The following DCAF8L2 variants were observed in gnomAD, a reference collection of about 807,000 sequenced individuals.
DCAF8L2 encodes DDB1 and CUL4 associated factor 8 like 2, also known as DDB1- and CUL4-associated factor 8-like protein 2.
For missense variants in DCAF8L2, 430 were observed against 490.7 expected, an observed-to-expected ratio of 0.88 and a Z score of 1.17; for synonymous variants, 200 against 190.9, an observed-to-expected ratio of 1.05 and a Z score of -0.39.
the DCAF8L2 span, among the ~76,000 whole-genome samples, chrX:27,489,298 C>T: frequency 9.0e-6 from 1 of 111,193 alleles, no homozygotes; most frequent in African/African-American, 3.3e-5. Flanking sequence ...GGGGTTTCAC[C>T]GTGTTACCCA....
At chrX:27,600,949 T>C (rs1042521402) in intron 1 of DCAF8L2, among the ~76,000 whole-genome samples, 2 of 110,513 alleles carry the variant, frequency 1.8e-5, no homozygotes, top group Non-Finnish European at 3.8e-5. Flanking sequence ...TTTTTTTTTT[T>C]TTCTTTGAGA....
chrX:27,540,779 C>G, the DCAF8L2 span, among the ~76,000 whole-genome samples: 1 of 111,769 alleles, frequency 8.9e-6, no homozygotes, highest in Admixed American at 9.5e-5. Context: ...TACTAATTAC[C>G]TTGATTTGAT....
At chrX:27,719,041 T>G (rs1337879418) in intron 4 of DCAF8L2, among the ~76,000 whole-genome samples, 4 of 112,200 alleles carry the variant, frequency 3.6e-5, no homozygotes, top group Non-Finnish European at 7.5e-5. Flanking sequence ...AGTCTTTCTG[T>G]AGACCTATTT....
the DCAF8L2 span, among the ~76,000 whole-genome samples, chrX:27,524,561 C>G: frequency 9.6e-6 from 1 of 104,366 alleles, no homozygotes; most frequent in Non-Finnish European, 2.0e-5. Flanking sequence ...TTATTTCTTG[C>G]CTTCTGCTAG....
At chrX:27,608,685 T>C (rs1490809061) in intron 1 of DCAF8L2, among the ~76,000 whole-genome samples, 1 of 109,826 alleles carries the variant, frequency 9.1e-6, no homozygotes, top group Admixed American at 9.8e-5. Context: ...TTCAGTCTTA[T>C]TATCCTGAAC....
intron 1 of DCAF8L2, among the ~76,000 whole-genome samples, chrX:27,614,192 T>G (rs181520944): frequency 1.1e-3 from 119 of 110,996 alleles, no homozygotes; most frequent in African/African-American, 3.8e-3. Flanking sequence ...AGGGTGTATG[T>G]GTCCAGGAAT....
the DCAF8L2 span, among the ~76,000 whole-genome samples, chrX:27,560,091 C>A: frequency 2.7e-5 from 3 of 109,986 alleles, no homozygotes; most frequent in Admixed American, 9.7e-5. Flanking sequence ...CACGGTGAAA[C>A]CCCATCTCTA....
At chrX:27,532,963 G>A in the DCAF8L2 span, among the ~76,000 whole-genome samples, 1 of 103,161 alleles carries the variant, frequency 9.7e-6, no homozygotes, top group Non-Finnish European at 2.0e-5. Flanking sequence ...TGTAATTGCA[G>A]GTACTTGGGA....
intron 2 of DCAF8L2, among the ~76,000 whole-genome samples, chrX:27,676,429 T>C (rs1930141235): frequency 9.0e-6 from 1 of 111,584 alleles, no homozygotes; most frequent in Non-Finnish European, 1.9e-5. Context: ...TATGTATATA[T>C]GAATAAATGT....
the DCAF8L2 span, among the ~76,000 whole-genome samples, chrX:27,527,511 G>A: frequency 1.4e-4 from 15 of 110,987 alleles, no homozygotes; most frequent in South Asian, 1.2e-3. Context: ...GCTCACGCTC[G>A]GTGGGCTGCA....
intron 2 of DCAF8L2, among the ~76,000 whole-genome samples, chrX:27,656,302 CG>C (rs1473286333): frequency 1.8e-5 from 2 of 111,833 alleles, no homozygotes; most frequent in African/African-American, 6.5e-5. Flanking sequence ...CGAAAACAAA[CG>C]AGAGTAGATA....
the DCAF8L2 span, among the ~76,000 whole-genome samples, chrX:27,567,354 G>T: frequency 9.3e-6 from 1 of 107,467 alleles, no homozygotes; most frequent in Non-Finnish European, 1.9e-5. Flanking sequence ...TTTTGTTGCT[G>T]TCAATTTATT....
At chrX:27,726,609 G>A (rs1249473159) in intron 4 of DCAF8L2, among the ~76,000 whole-genome samples, 1 of 111,288 alleles carries the variant, frequency 9.0e-6, no homozygotes. Context: ...GGTAATGACT[G>A]TCCTGCCTTC....
chrX:27,708,793 C>G (rs1931426041), intron 3 of DCAF8L2, among the ~76,000 whole-genome samples: 1 of 112,510 alleles, frequency 8.9e-6, no homozygotes, highest in Non-Finnish European at 1.9e-5. Flanking sequence ...TTAATATTCC[C>G]AATCTCAAGT....
At chrX:27,626,168 G>A (rs1285271454) in intron 1 of DCAF8L2, among the ~76,000 whole-genome samples, 2 of 111,664 alleles carry the variant, frequency 1.8e-5, no homozygotes, top group Non-Finnish European at 3.8e-5. Context: ...CTACCAAGGG[G>A]AATTTGGAGA....
intron 3 of DCAF8L2, among the ~76,000 whole-genome samples, chrX:27,707,557 T>G (rs780528385): frequency 2.7e-5 from 3 of 111,704 alleles, no homozygotes; most frequent in Non-Finnish European, 5.6e-5. Flanking sequence ...AAAAAGTAAT[T>G]TGAAGCTAAA....
chrX:27,732,633 C>A (rs775369645), intron 4 of DCAF8L2, among the ~76,000 whole-genome samples: 1 of 110,511 alleles, frequency 9.0e-6, no homozygotes, highest in East Asian at 2.9e-4. Flanking sequence ...AGCATTCATC[C>A]ATCAACAGAC....
At chrX:27,522,316 C>T in the DCAF8L2 span, among the ~76,000 whole-genome samples, 36 of 112,061 alleles carry the variant, frequency 3.2e-4, no homozygotes, top group African/African-American at 1.2e-3. Flanking sequence ...CGTGAGCCAC[C>T]GTGCCCGGCC....
intron 1 of DCAF8L2, among the ~76,000 whole-genome samples, chrX:27,590,695 C>A (rs1349067591): frequency 2.7e-5 from 3 of 110,626 alleles, no homozygotes; most frequent in Admixed American, 9.8e-5. Context: ...AAAGTATATT[C>A]TCACCAGAAC....
Sources: allele counts gnomAD v4.1 joint callset (sites outside exome capture counted in the v4.1 genomes callset), GRCh38; gene constraint gnomAD v4.1.1; transcripts MANE v1.5; gene names NCBI Gene and HGNC (gene_info 2026-07-23, HGNC 2026-07-21).